PCDHA3: variants seen among roughly 807,000 people sequenced by gnomAD.
PCDHA3 encodes protocadherin alpha 3, also known as protocadherin alpha-3.
A neutral mutation model predicts 62.2 loss-of-function variants in PCDHA3; 41 were observed. The ratio of observed to expected loss-of-function variants is 0.66; its 90% confidence interval spans 0.51 to 0.86. The LOEUF (loss-of-function observed/expected upper bound fraction) is 0.86, where lower values mean the gene tolerates loss of function less well. Among genes scored for constraint, PCDHA3 ranks in the 40% least tolerant of loss-of-function variants. PCDHA3 has a pLI of 0.00. For missense variants in PCDHA3, 1,304 were observed against 1,241.2 expected (o/e 1.05, Z -0.76); for synonymous variants, 640 against 555.4 (o/e 1.15, Z -2.14).
At chr5:140,876,607 T>G (rs1480667665) in intron 1 of PCDHA3, 7 of 1,614,068 alleles carry the variant, frequency 4.3e-6, no homozygotes, top group Non-Finnish European at 5.9e-6. Flanking sequence ...GGATCGTGAC[T>G]CTGGAGCCAA....
chr5:140,836,543 G>A lies in PCDHA3; in HGVS notation c.2394+32952G>A, dbSNP rs1209808083. On this transcript the variant is annotated intron_variant, in intron 1 of 3. Coordinates refer to ENST00000522353, the MANE Select transcript of PCDHA3 (RefSeq NM_018906.3). ...TGCTTACCCTGCTGCTGTACACGGC[G>A]TTGCGGTGCTCAGCGCCGTCCTCTG... 3 of 1,613,702 alleles carry A rather than the reference G, an allele frequency of 1.9e-6. No homozygotes were observed. The African/African-American group carries it at 4.0e-5, about 22-fold the overall frequency.
intron 1 of PCDHA3, among the ~76,000 whole-genome samples, chr5:140,951,775 A>G (rs1554220072): frequency 1.3e-5 from 2 of 152,164 alleles, no homozygotes; most frequent in African/African-American, 4.8e-5. Context: ...ACGTTCTTAC[A>G]TTGCAAAATA....
chr5:140,879,126 G>T (rs2057860982), intron 1 of PCDHA3, among the ~76,000 whole-genome samples: 2 of 152,182 alleles, frequency 1.3e-5, no homozygotes, highest in Admixed American at 1.3e-4. Context: ...GATTAGAGCA[G>T]GGGAGATTGT....
At chr5:140,830,285 T>A in intron 1 of PCDHA3, 1 of 1,613,564 alleles carries the variant, frequency 6.2e-7, no homozygotes, top group Non-Finnish European at 8.5e-7. Flanking sequence ...CGAGGGCGCG[T>A]GCACGGCGGA....
intron 1 of PCDHA3, chr5:140,969,314 G>T (rs200006206): frequency 6.2e-7 from 1 of 1,614,150 alleles, no homozygotes; most frequent in African/African-American, 1.3e-5. Context: ...CAAAAATGAG[G>T]CTGTTTCTCA....
intron 1 of PCDHA3, among the ~76,000 whole-genome samples, chr5:140,942,479 A>G (rs1341688235): frequency 6.6e-6 from 1 of 152,154 alleles, no homozygotes; most frequent in East Asian, 1.9e-4. Flanking sequence ...TTCAAGCTAC[A>G]ACTGAAATAA....
chr5:140,805,972 C>A (rs541923768), intron 1 of PCDHA3, among the ~76,000 whole-genome samples: 1 of 152,220 alleles, frequency 6.6e-6, no homozygotes, highest in African/African-American at 2.4e-5. Context: ...CAACTATTCC[C>A]TTTAAAATAT....
chr5:140,841,992 G>A (rs2150327070), intron 1 of PCDHA3: 8 of 1,613,646 alleles, frequency 5.0e-6, no homozygotes, highest in South Asian at 4.4e-5. Context: ...GAGCTCACAG[G>A]CACTGTTCAG....
chr5:140,835,497 A>C, intron 1 of PCDHA3: 1 of 1,613,910 alleles, frequency 6.2e-7, no homozygotes. Flanking sequence ...CATCACATTG[A>C]TTAGCGTGTT....
chr5:141,007,315 C>T (rs1207897662), intron 3 of PCDHA3, among the ~76,000 whole-genome samples: 1 of 148,308 alleles, frequency 6.7e-6, no homozygotes, highest in Non-Finnish European at 1.5e-5. Flanking sequence ...TTTTGGGAGG[C>T]TAAAGTGGAC....
chr5:140,848,335 G>GA (rs1397782811), intron 1 of PCDHA3: 5 of 865,392 alleles, frequency 5.8e-6, no homozygotes, highest in South Asian at 1.7e-5. Flanking sequence ...TCTGAATCCA[G>GA]ACAAATACAG....
At chr5:140,875,772 G>T (rs781933974) in intron 1 of PCDHA3, 2 of 1,614,136 alleles carry the variant, frequency 1.2e-6, no homozygotes, top group Non-Finnish European at 1.7e-6. Context: ...GGCGGAGCGC[G>T]GAGTGCAGTA....
intron 1 of PCDHA3, chr5:140,883,880 C>G: frequency 1.2e-6 from 2 of 1,613,304 alleles, no homozygotes; most frequent in Non-Finnish European, 1.7e-6. Context: ...GGTGAGCGCG[C>G]GCGACTCTGG....
intron 1 of PCDHA3, among the ~76,000 whole-genome samples, chr5:140,972,693 C>A (rs1358194667): frequency 2.3e-5 from 3 of 130,312 alleles, no homozygotes; most frequent in East Asian, 4.7e-4. Flanking sequence ...GAGATGGAGT[C>A]TCACTCTGTT....
At chr5:140,952,621 T>C (rs1002649302) in intron 1 of PCDHA3, among the ~76,000 whole-genome samples, 3 of 152,168 alleles carry the variant, frequency 2.0e-5, no homozygotes, top group Admixed American at 2.0e-4. Context: ...TCATCTTCCC[T>C]CCACACTATT....
At chr5:140,831,018 G>C (rs1251776319) in intron 1 of PCDHA3, 1 of 152,212 alleles carries the variant, frequency 6.6e-6, no homozygotes, top group Non-Finnish European at 1.5e-5. Flanking sequence ...TCCCTTTTCA[G>C]ACTTGTGATT....
chr5:140,884,872 T>C (rs1427684688), intron 1 of PCDHA3, among the ~76,000 whole-genome samples: 1 of 152,216 alleles, frequency 6.6e-6, no homozygotes, highest in African/African-American at 2.4e-5. Context: ...CATAATGAAA[T>C]GTGCAAAACA....
chr5:140,944,799 G>A (rs1160069845), intron 1 of PCDHA3, among the ~76,000 whole-genome samples: 2 of 152,090 alleles, frequency 1.3e-5, no homozygotes, highest in Non-Finnish European at 2.9e-5. Flanking sequence ...CAAGTCTGTC[G>A]AGGGTCCACA....
At chr5:140,869,304 G>A (rs1554162871) in intron 1 of PCDHA3, 3 of 1,613,648 alleles carry the variant, frequency 1.9e-6, no homozygotes, top group South Asian at 1.1e-5. Context: ...TCCGGGTGGC[G>A]TCCAAAACAC....
Sources: gnomAD v4.1 joint callset for allele counts (sites outside exome capture counted in the v4.1 genomes callset) on GRCh38, gnomAD v4.1.1 for gene constraint, MANE v1.5 for transcripts, NCBI Gene and HGNC (gene_info 2026-07-23, HGNC 2026-07-21) for gene names.